Variants in CD200R1 observed in about 807,000 individuals in gnomAD.
CD200R1 encodes cell surface glycoprotein CD200 receptor 1.
CD200R1 carries 30 observed loss-of-function variants against 38.1 expected under a neutral mutation model. That is an observed-to-expected ratio of 0.79 (90% confidence interval 0.59 to 1.07). The LOEUF is 1.07. CD200R1 is among the 50% of genes least tolerant of loss of function. The pLI is 0.00. For synonymous variants in CD200R1, 128 were observed against 152.1 expected, an observed-to-expected ratio of 0.84 and a Z score of 1.16; for missense variants, 372 against 415.4, an observed-to-expected ratio of 0.90 and a Z score of 0.91.
At chr3:112,973,528 T>C (rs1312830582) in intron 1 of CD200R1, among the ~76,000 whole-genome samples, 2 of 152,156 alleles carry the variant, frequency 1.3e-5, no homozygotes, top group Non-Finnish European at 2.9e-5. Flanking sequence ...CTTTGTAAAA[T>C]GGAGAGGTGT....
Position 112,922,328 on chromosome 3 carries a change from A to G in CD200R1, c.*1349T>C, listed in dbSNP as rs1940186106. Reference sequence around the variant, plus strand: ...AAATAGACTTATGTTTTTAATTAAAAATAATTTCATGATATTAACAATGAT... The same window carrying G: ...AAATAGACTTATGTTTTTAATTAAAGATAATTTCATGATATTAACAATGAT... On this transcript the variant is annotated 3_prime_UTR_variant, in exon 8 of 8. Coordinates refer to ENST00000308611, the MANE Select transcript of CD200R1 (RefSeq NM_138806.4). The G allele has an allele frequency of 6.6e-6, 1 of 152,032 alleles. No individual in the cohort carries two copies. The highest frequency in any genetic ancestry group is 1.5e-5 in the Non-Finnish European group (1 of 67,950). The allele number at this position is 152,032 out of a possible 1,614,324, so 9.4% of individuals were successfully genotyped here.
intron 2 of CD200R1, among the ~76,000 whole-genome samples, chr3:112,943,763 G>A (rs1381322567): frequency 6.6e-6 from 1 of 151,660 alleles, no homozygotes; most frequent in Non-Finnish European, 1.5e-5. Flanking sequence ...TATCTGATAT[G>A]AAAGAGGGTA....
In CD200R1 at chr3:112,932,839, G is replaced by A. The variant is rs193074462; in HGVS notation, c.137-1668C>T. Among the ~76,000 whole-genome samples, 557 of 152,168 alleles carry A rather than the reference G, an allele frequency of 3.7e-3. 6 individuals are homozygous for A. Among genetic ancestry groups the A allele is most frequent in the African/African-American group, 0.013 (537 of 41,508 alleles). ...TGAGAAACAGCCCCACAAGCTCACT[G>A]TTGGCAAATATAACCCCAGGCCTAC... On this transcript the variant is annotated intron_variant, in intron 2 of 7. Coordinates refer to ENST00000308611, the MANE Select transcript of CD200R1 (RefSeq NM_138806.4).
intron 2 of CD200R1, among the ~76,000 whole-genome samples, chr3:112,937,166 G>T (rs1344492632): frequency 6.6e-6 from 1 of 152,100 alleles, no homozygotes; most frequent in Non-Finnish European, 1.5e-5. Flanking sequence ...TCACATGGCA[G>T]CAGCATGGAG....
chr3:112,960,564 A>G (rs1932992429), intron 1 of CD200R1, among the ~76,000 whole-genome samples: 1 of 152,058 alleles, frequency 6.6e-6, no homozygotes, highest in Non-Finnish European at 1.5e-5. Flanking sequence ...AAGTTATAAA[A>G]TCATATACAC....
chr3:112,948,714 A>T (rs1174872186), intron 1 of CD200R1, among the ~76,000 whole-genome samples: 1 of 152,218 alleles, frequency 6.6e-6, no homozygotes, highest in Non-Finnish European at 1.5e-5. Flanking sequence ...GGGACCCGTG[A>T]TATAGACAAT....
At chr3:112,970,183 A>T (rs1933267470) in intron 1 of CD200R1, among the ~76,000 whole-genome samples, 1 of 152,146 alleles carries the variant, frequency 6.6e-6, no homozygotes, top group Non-Finnish European at 1.5e-5. Flanking sequence ...CCCTGTCTCA[A>T]AAAAGAAATA....
At chr3:112,932,988 C>A (rs575115210) in intron 2 of CD200R1, among the ~76,000 whole-genome samples, 1 of 152,238 alleles carries the variant, frequency 6.6e-6, no homozygotes, top group African/African-American at 2.4e-5. Context: ...AAACAGCCAG[C>A]GGGCCCCTAC....
chr3:112,929,060 T>A lies in CD200R1; in HGVS notation c.525A>T (p.Thr175=). The A allele has an allele frequency of 6.2e-7, 1 of 1,613,820 alleles. No individual in the cohort carries two copies. Among genetic ancestry groups the A allele is most frequent in the Non-Finnish European group, 8.5e-7 (1 of 1,179,980 alleles). The change falls in exon 5 of 8, where the codon ACA becomes ACT. Residue 175 remains threonine (T), a synonymous_variant. Transcript: ENST00000308611. ...TGTTTTGAAACAGGGTCACTTCAGG[T>A]GTAACTGCAGAGAGGAAAGAGGGAA... ...HRGYHLQVLV[T]PEVTLFQNRN... is the part of the protein sequence containing the mutation.
intron 2 of CD200R1, among the ~76,000 whole-genome samples, chr3:112,946,464 G>A (rs970566147): frequency 1.3e-5 from 2 of 152,072 alleles, no homozygotes; most frequent in Non-Finnish European, 1.5e-5. Flanking sequence ...TTAAAACTCA[G>A]CAATATGCAA....
intron 3 of CD200R1, among the ~76,000 whole-genome samples, chr3:112,929,871 T>C (rs1301431608): frequency 6.6e-6 from 1 of 152,096 alleles, no homozygotes. Flanking sequence ...TATCATACAA[T>C]GTATGTGCCA....
At chr3:112,923,899 T>C (rs769786734) in intron 7 of CD200R1, 100 bp from the exon 8 acceptor site, 11 of 639,210 alleles carry the variant, frequency 1.7e-5, no homozygotes, top group Admixed American at 9.5e-5. Context: ...TTCTAACAGG[T>C]GCTCAAGAGT....
intron 5 of CD200R1, among the ~76,000 whole-genome samples, chr3:112,926,853 A>C (rs2107301157): frequency 6.6e-6 from 1 of 151,354 alleles, no homozygotes; most frequent in East Asian, 2.1e-4. Context: ...AACTGTTTTT[A>C]AGTGAGAAAT....
At chr3:112,932,510 C>G (rs1449784123) in intron 2 of CD200R1, among the ~76,000 whole-genome samples, 1 of 151,976 alleles carries the variant, frequency 6.6e-6, no homozygotes, top group Non-Finnish European at 1.5e-5. Context: ...AGTCCTGTGC[C>G]TCCTCCCCAA....
At chr3:112,930,740 C>A (rs1033539930) in intron 3 of CD200R1, among the ~76,000 whole-genome samples, 2 of 152,214 alleles carry the variant, frequency 1.3e-5, no homozygotes, top group African/African-American at 4.8e-5. Flanking sequence ...TCTTTCCTAT[C>A]CTGTTTTGGT....
chr3:112,930,979 G>T, intron 3 of CD200R1, 127 bp downstream of exon 3: 1 of 675,184 alleles, frequency 1.5e-6, no homozygotes. Flanking sequence ...TCATACCACA[G>T]TACTCAGATC....
At chr3:112,945,794 C>T (rs907230227) in intron 2 of CD200R1, among the ~76,000 whole-genome samples, 2 of 152,038 alleles carry the variant, frequency 1.3e-5, no homozygotes, top group African/African-American at 4.8e-5. Context: ...CTTTGGAAGG[C>T]CGAGGCGGGC....
chr3:112,970,875 C>T (rs1933290369), intron 1 of CD200R1, among the ~76,000 whole-genome samples: 1 of 152,184 alleles, frequency 6.6e-6, no homozygotes. Flanking sequence ...TCAATTGATA[C>T]TCCACTTTGG....
intron 5 of CD200R1, among the ~76,000 whole-genome samples, chr3:112,927,967 T>C (rs1940320265): frequency 6.6e-6 from 1 of 152,152 alleles, no homozygotes; most frequent in South Asian, 2.1e-4. Flanking sequence ...ACTTAAATAT[T>C]CAAATTGATG....
Sources: gnomAD v4.1 joint callset for allele counts (sites outside exome capture counted in the v4.1 genomes callset) on GRCh38, gnomAD v4.1.1 for gene constraint, MANE v1.5 for transcripts, NCBI Gene and HGNC (gene_info 2026-07-23, HGNC 2026-07-21) for gene names.